The following BPIFA2 variants were observed in gnomAD, a reference collection of about 807,000 sequenced individuals.
BPIFA2 encodes the protein BPI fold containing family A member 2.
A neutral mutation model predicts 25.7 loss-of-function variants in BPIFA2; 20 were observed. The observed-to-expected ratio is 0.78, with a 90% CI of 0.55 to 1.13. The LOEUF is 1.13. Ranked by LOEUF, BPIFA2 falls within the 50% of genes most tolerant of loss-of-function variation. The probability of loss-of-function intolerance (pLI) is 0.00; values close to 1 mark genes in which losing one functional copy is unlikely to be tolerated. For missense variants in BPIFA2, 300 were observed against 298.1 expected, an observed-to-expected ratio of 1.01 and a Z score of -0.05; for synonymous variants, 126 against 124.3, an observed-to-expected ratio of 1.01 and a Z score of -0.09.
intron 2 of BPIFA2, among the ~76,000 whole-genome samples, chr20:33,170,405 T>C (rs1000510873): frequency 2.6e-5 from 4 of 152,182 alleles, no homozygotes; most frequent in Admixed American, 1.3e-4. Context: ...TCATCCTGTA[T>C]CTATCATGAC....
At chr20:33,166,223 G>A (rs1983718884), upstream of BPIFA2, among the ~76,000 whole-genome samples, 1 of 152,006 alleles carries the variant, frequency 6.6e-6, no homozygotes, top group Admixed American at 6.6e-5. Flanking sequence ...CACCATGTTG[G>A]CCAGGCTGGT....
chr20:33,178,643 G>T lies in BPIFA2; in HGVS notation c.645+415G>T, dbSNP rs371881988. Reference sequence around the variant, plus strand: ...TAGTTTTAATTTTTTTTCCATCTGTGCATCATCCAAAACCATAGGTACCAT... The same window carrying T: ...TAGTTTTAATTTTTTTTCCATCTGTTCATCATCCAAAACCATAGGTACCAT... On this transcript the variant is annotated intron_variant, in intron 6 of 8. Transcript: ENST00000354932. 1.1e-4 allele frequency among the ~76,000 whole-genome samples: 17 copies of T among 151,940 alleles called. No individual in the cohort carries two copies. In the East Asian group the frequency reaches 2.9e-3, roughly 26 times the overall value.
intron 5 of BPIFA2, 93 bp downstream of exon 5, chr20:33,175,652 T>C: frequency 7.4e-7 from 1 of 1,355,264 alleles, no homozygotes; most frequent in Non-Finnish European, 1.0e-6. Context: ...GGAGGCCTAG[T>C]GGTGAAAGTG....
chr20:33,180,128 G>A (rs1255447490), intron 7 of BPIFA2, among the ~76,000 whole-genome samples: 2 of 152,068 alleles, frequency 1.3e-5, no homozygotes, highest in African/African-American at 4.8e-5. Context: ...TGAGGCGGGA[G>A]GATTGCTTGA....
At chr20:33,177,755 C>T (rs1340886081) in intron 5 of BPIFA2, among the ~76,000 whole-genome samples, 1 of 152,126 alleles carries the variant, frequency 6.6e-6, no homozygotes, top group Non-Finnish European at 1.5e-5. Flanking sequence ...CCAACTTTGG[C>T]AAGATTTGTT....
rs1983995660 is a variant in BPIFA2 at position 33,174,122 on chromosome 20, CCGAT to C, written c.351_354del (p.Ile117MetfsTer8). The stretch of plus-strand genomic sequence containing the variant: ...CCTCATCCTGGATGTCAAAGCTGAA[CCGAT>C]CGATGATGGCAAAGGCCTTAACCTG... On this transcript the variant is annotated frameshift_variant, in exon 4 of 9. Transcript: ENST00000354932. LOFTEE classifies it high-confidence loss of function. 6.2e-7 allele frequency: 1 copy of C among 1,614,046 alleles called. No homozygotes were observed. Among genetic ancestry groups the C allele is most frequent in the Non-Finnish European group, 8.5e-7 (1 of 1,180,030 alleles).
At chr20:33,169,096 C>A in intron 1 of BPIFA2, 35 bp from the exon 2 acceptor site, 1 of 1,559,418 alleles carries the variant, frequency 6.4e-7, no homozygotes, top group Non-Finnish European at 8.8e-7. Context: ...TCCCTCTGGG[C>A]AATTCTCACT....
At chr20:33,169,401 G>A in intron 2 of BPIFA2, 99 bp downstream of exon 2, 1 of 1,240,290 alleles carries the variant, frequency 8.1e-7, no homozygotes, top group Non-Finnish European at 1.1e-6. Flanking sequence ...CTCTTTATGG[G>A]CGGTTTACTG....
chr20:33,180,978 A>G (rs974584731), intron 8 of BPIFA2, among the ~76,000 whole-genome samples: 2 of 152,110 alleles, frequency 1.3e-5, no homozygotes, highest in Admixed American at 1.3e-4. Flanking sequence ...TTTCACATCT[A>G]CCATTGTTCT....
chr20:33,181,142 T>A (rs1188528506), intron 8 of BPIFA2, 82 bp from the exon 9 acceptor site: 1 of 152,512 alleles, frequency 6.6e-6, no homozygotes, highest in Non-Finnish European at 1.5e-5. Context: ...TTGGGTCCCA[T>A]CAAGTGCCCA....
At chr20:33,179,155 C>T (rs555931709) in intron 6 of BPIFA2, among the ~76,000 whole-genome samples, 4 of 152,144 alleles carry the variant, frequency 2.6e-5, no homozygotes, top group South Asian at 2.1e-4. Context: ...TCAGGCCAGG[C>T]GCGGTGGCTT....
intron 7 of BPIFA2, 147 bp downstream of exon 7, chr20:33,179,814 C>A: frequency 2.5e-6 from 2 of 784,808 alleles, no homozygotes; most frequent in Non-Finnish European, 4.3e-6. Context: ...CCTCCACAGG[C>A]ACCCGGGGGC....
chr20:33,169,187 C>T lies in BPIFA2; in HGVS notation c.42C>T (p.Leu14=), dbSNP rs371571749. 6.9e-5 allele frequency: 112 copies of T among 1,614,028 alleles called. No homozygotes were observed. Among genetic ancestry groups the T allele is most frequent in the Non-Finnish European group, 9.2e-5 (108 of 1,179,968 alleles). The change falls in exon 2 of 9, where the codon CTC becomes CTT. Residue 14 remains leucine (L), a synonymous_variant. Transcript: ENST00000354932. ...AACTTGTTCTCCTGTGCGGCGTGCT[C>T]ACTGGGACCTCAGAGTCTCTTCTTG... The part of the protein sequence containing the change: ...LWKLVLLCGV[L]TGTSESLLDN...
intron 2 of BPIFA2, among the ~76,000 whole-genome samples, chr20:33,170,020 A>C (rs1983848065): frequency 6.6e-6 from 1 of 152,142 alleles, no homozygotes; most frequent in South Asian, 2.1e-4. Context: ...TTGTAGGAGG[A>C]GGTAACTTCT....
chr20:33,173,998 C>T (rs746503373), intron 3 of BPIFA2, 81 bp from the exon 4 acceptor site: 4 of 1,159,896 alleles, frequency 3.4e-6, no homozygotes, highest in Non-Finnish European at 5.2e-6. Flanking sequence ...CCCAAACGCT[C>T]AGCTCGAGGC....
chr20:33,172,916 C>A lies in BPIFA2; in HGVS notation c.158-16C>A. The A allele has an allele frequency of 6.2e-7, 1 of 1,610,760 alleles. No homozygotes were observed. Among genetic ancestry groups the A allele is most frequent in the Non-Finnish European group, 8.5e-7 (1 of 1,178,536 alleles). Reference sequence around the variant, plus strand: ...GTAAGTGGTGCGTGACACAAAATGGCGATTGTTTTTGGCAGGCATCCTTGA... The same window carrying A: ...GTAAGTGGTGCGTGACACAAAATGGAGATTGTTTTTGGCAGGCATCCTTGA... On this transcript the variant is annotated splice_polypyrimidine_tract_variant and intron_variant, in intron 2 of 8. Transcript: ENST00000354932.
upstream of BPIFA2, among the ~76,000 whole-genome samples, chr20:33,163,377 C>T (rs148208711): frequency 3.0e-3 from 463 of 152,274 alleles, 3 homozygotes; most frequent in African/African-American, 9.7e-3. Flanking sequence ...CCCAGTCCAG[C>T]GGAGGAGAAA....
chr20:33,173,940 C>G, intron 3 of BPIFA2, 139 bp from the exon 4 acceptor site: 2 of 646,010 alleles, frequency 3.1e-6, no homozygotes, highest in South Asian at 3.8e-5. Context: ...AGAATCAAAC[C>G]TCTGAACAGG....
intron 1 of BPIFA2, 90 bp from the exon 2 acceptor site, chr20:33,169,041 A>G: frequency 8.7e-7 from 1 of 1,155,168 alleles, no homozygotes. Context: ...ATCTTAATGG[A>G]ATGCTAAATG....
Sources: allele counts gnomAD v4.1 joint callset (sites outside exome capture counted in the v4.1 genomes callset), GRCh38; gene constraint gnomAD v4.1.1; transcripts MANE v1.5; gene names NCBI Gene and HGNC (gene_info 2026-07-23, HGNC 2026-07-21).